The following NKAIN3 variants were observed in gnomAD, a reference collection of about 807,000 sequenced individuals.
The protein encoded by NKAIN3 is sodium/potassium transporting ATPase interacting 3.
In NKAIN3, 25 loss-of-function variants were observed where a neutral mutation model predicts 30.2. The observed-to-expected ratio is 0.83, with a 90% confidence interval of 0.60 to 1.16. The LOEUF (loss-of-function observed/expected upper bound fraction) is 1.16, where lower values mean the gene tolerates loss of function less well. NKAIN3 is among the 50% of genes most tolerant of loss of function. The probability of loss-of-function intolerance (pLI) is 0.00; values close to 1 mark genes in which losing one functional copy is unlikely to be tolerated. For synonymous variants in NKAIN3, 91 were observed against 89.6 expected (o/e 1.02, Z -0.09); for missense variants, 225 against 254.1 (o/e 0.89, Z 0.78).
chr8:62,450,631 G>T (rs1805611723), intron 1 of NKAIN3, among the ~76,000 whole-genome samples: 1 of 152,050 alleles, frequency 6.6e-6, no homozygotes, highest in African/African-American at 2.4e-5. Flanking sequence ...AACTTCACTG[G>T]CCTGTTCAAA....
At chr8:62,531,659 T>C (rs1408516546) in intron 1 of NKAIN3, among the ~76,000 whole-genome samples, 3 of 152,196 alleles carry the variant, frequency 2.0e-5, no homozygotes, top group Non-Finnish European at 2.9e-5. Context: ...GCAGAGTAGA[T>C]GGTGCATACA....
intron 3 of NKAIN3, among the ~76,000 whole-genome samples, chr8:62,685,047 T>G (rs1021068740): frequency 6.6e-6 from 1 of 152,188 alleles, no homozygotes; most frequent in Non-Finnish European, 1.5e-5. Context: ...GCTGTACACA[T>G]AACATCCCAT....
At chr8:62,699,260 G>A (rs1235700950) in intron 3 of NKAIN3, among the ~76,000 whole-genome samples, 1 of 152,088 alleles carries the variant, frequency 6.6e-6, no homozygotes, top group Non-Finnish European at 1.5e-5. Context: ...ACAAGTTCAA[G>A]GAAATTAGTA....
intron 1 of NKAIN3, among the ~76,000 whole-genome samples, chr8:62,364,712 G>A (rs1206689852): frequency 6.7e-6 from 1 of 149,408 alleles, no homozygotes; most frequent in Non-Finnish European, 1.5e-5. Flanking sequence ...GGTGGCGGGC[G>A]CCTGTAGTAC....
chr8:62,468,021 C>A (rs13273226), intron 1 of NKAIN3, among the ~76,000 whole-genome samples: 27,697 of 152,058 alleles, frequency 0.18, 2,640 homozygotes, highest in African/African-American at 0.21. Context: ...GATCCACCCG[C>A]CTCAGAGTTT....
At chr8:62,301,261 G>A (rs1440998140) in intron 1 of NKAIN3, among the ~76,000 whole-genome samples, 2 of 151,990 alleles carry the variant, frequency 1.3e-5, no homozygotes, top group African/African-American at 4.8e-5. Context: ...CATCTCTATA[G>A]CTAGTGTTAA....
intron 4 of NKAIN3, chr8:62,863,447 A>C: frequency 1.9e-6 from 3 of 1,551,800 alleles, no homozygotes. Flanking sequence ...CTGTGTAGAT[A>C]TTCTAACCCT....
intron 4 of NKAIN3, among the ~76,000 whole-genome samples, chr8:62,807,470 A>T (rs1238252624): frequency 6.6e-6 from 1 of 151,330 alleles, no homozygotes; most frequent in African/African-American, 2.4e-5. Context: ...GGACTGATCA[A>T]CTTTCTTCTC....
intron 4 of NKAIN3, among the ~76,000 whole-genome samples, chr8:62,916,298 A>G (rs1007407724): frequency 6.6e-6 from 1 of 152,238 alleles, no homozygotes; most frequent in African/African-American, 2.4e-5. Flanking sequence ...TTTAAATAAT[A>G]CAAATTTATG....
At chr8:62,920,520 T>C (rs1457368920) in intron 5 of NKAIN3, among the ~76,000 whole-genome samples, 63 of 152,232 alleles carry the variant, frequency 4.1e-4, no homozygotes, top group Admixed American at 4.1e-3. Context: ...GTTAACTTTC[T>C]ATTAGCCTTC....
intron 1 of NKAIN3, among the ~76,000 whole-genome samples, chr8:62,527,885 GTGTGTGTGTGTGT>G (rs1808357006): frequency 1.1e-5 from 1 of 94,182 alleles, no homozygotes; most frequent in Non-Finnish European, 2.3e-5. Flanking sequence ...TTTTTTTGGT[GTGTGTGTGTGTGT>G]GTGTGTGTGT....
chr8:62,805,581 G>A (rs901210716), intron 4 of NKAIN3, among the ~76,000 whole-genome samples: 7 of 151,996 alleles, frequency 4.6e-5, no homozygotes, highest in Non-Finnish European at 7.4e-5. Context: ...AATGGTGCTG[G>A]GAAAACTGGC....
At chr8:62,370,133 T>C (rs758549834) in intron 1 of NKAIN3, among the ~76,000 whole-genome samples, 1 of 152,046 alleles carries the variant, frequency 6.6e-6, no homozygotes, top group Non-Finnish European at 1.5e-5. Flanking sequence ...TGTCAAATTA[T>C]TGAACTCAGA....
At chr8:62,457,111 A>C (rs1415591768) in intron 1 of NKAIN3, among the ~76,000 whole-genome samples, 4 of 152,212 alleles carry the variant, frequency 2.6e-5, no homozygotes, top group Non-Finnish European at 4.4e-5. Context: ...ATGGAAACTA[A>C]AATAATGAAA....
intron 1 of NKAIN3, among the ~76,000 whole-genome samples, chr8:62,407,865 C>T (rs1250286549): frequency 6.6e-6 from 1 of 152,170 alleles, no homozygotes; most frequent in East Asian, 1.9e-4. Context: ...GACCACGTCT[C>T]TACAACATAC....
At chr8:62,538,182 T>G (rs1808725211) in intron 1 of NKAIN3, among the ~76,000 whole-genome samples, 1 of 152,076 alleles carries the variant, frequency 6.6e-6, no homozygotes, top group Admixed American at 6.6e-5. Flanking sequence ...TTGTTGTTGT[T>G]TTTGTTGTTG....
chr8:62,452,365 A>G (rs1805666981), intron 1 of NKAIN3, among the ~76,000 whole-genome samples: 1 of 152,190 alleles, frequency 6.6e-6, no homozygotes, highest in East Asian at 1.9e-4. Flanking sequence ...AATCCCAGCT[A>G]CTCAGGAGGC....
intron 4 of NKAIN3, among the ~76,000 whole-genome samples, chr8:62,877,803 G>A (rs959990861): frequency 2.0e-5 from 3 of 152,142 alleles, no homozygotes; most frequent in Non-Finnish European, 4.4e-5. Context: ...CACTTTGGGA[G>A]GCTGAGGCGG....
chr8:62,584,735 C>G (rs1186478518), intron 2 of NKAIN3, among the ~76,000 whole-genome samples: 1 of 152,190 alleles, frequency 6.6e-6, no homozygotes, highest in African/African-American at 2.4e-5. Flanking sequence ...ATTAAATAGT[C>G]ACCTTTTACA....
Sources: gnomAD v4.1 joint callset for allele counts (sites outside exome capture counted in the v4.1 genomes callset) on GRCh38, gnomAD v4.1.1 for gene constraint, MANE v1.5 for transcripts, NCBI Gene and HGNC (gene_info 2026-07-23, HGNC 2026-07-21) for gene names.